Variants in TRMT11 observed in about 807,000 individuals in gnomAD.
TRMT11 encodes the protein tRNA methyltransferase 11.
In TRMT11, 53 loss-of-function variants were observed where a neutral mutation model predicts 62.8. That is an observed-to-expected ratio of 0.84 (90% CI 0.68 to 1.06). TRMT11 has a LOEUF of 1.06. Among genes scored for constraint, TRMT11 ranks in the 50% least tolerant of loss-of-function variants. The pLI is 0.00. For missense variants in TRMT11, 556 were observed against 553.4 expected (o/e 1.00, Z -0.05); for synonymous variants, 188 against 190.3 (o/e 0.99, Z 0.10).
chr6:126,210,337 G>C, the TRMT11 span, among the ~76,000 whole-genome samples: 2 of 152,160 alleles, frequency 1.3e-5, no homozygotes, highest in Non-Finnish European at 1.5e-5. Context: ...GGAGCTGAGG[G>C]TCTCAGTCCT....
intron 21 of TRMT11, among the ~76,000 whole-genome samples, chr6:126,135,255 GAA>G (rs746779859): frequency 3.7e-4 from 56 of 151,176 alleles, no homozygotes; most frequent in Non-Finnish European, 6.4e-4. Flanking sequence ...GATCAACTAA[GAA>G]AAAAAGAGAT....
At chr6:126,191,669 C>A (rs1245115338) in intron 1 of TRMT11, among the ~76,000 whole-genome samples, 2 of 151,810 alleles carry the variant, frequency 1.3e-5, no homozygotes, top group East Asian at 3.8e-4. Flanking sequence ...ATGTAGATAT[C>A]TAATTTTCCC....
chr6:126,151,862 C>CAG, intron 21 of TRMT11, among the ~76,000 whole-genome samples: 1 of 112,938 alleles, frequency 8.9e-6, no homozygotes, highest in Non-Finnish European at 1.8e-5. Context: ...TTCTTTCTTT[C>CAG]TTTCCTTCTT....
intron 17 of TRMT11, among the ~76,000 whole-genome samples, chr6:126,071,721 GGA>G (rs1776864177): frequency 6.6e-6 from 1 of 151,640 alleles, no homozygotes; most frequent in African/African-American, 2.4e-5. Context: ...GAAGAATGTG[GGA>G]TTAGAAGTCA....
At chr6:125,997,924 T>TTG (rs1791828492) in intron 3 of TRMT11, 129 bp from the exon 4 acceptor site, 4 of 617,164 alleles carry the variant, frequency 6.5e-6, no homozygotes, top group Non-Finnish European at 2.9e-6. Context: ...AATAACCGAT[T>TTG]CATTTATACT....
the TRMT11 span, among the ~76,000 whole-genome samples, chr6:126,239,213 G>C: frequency 6.6e-6 from 1 of 152,082 alleles, no homozygotes; most frequent in African/African-American, 2.4e-5. Context: ...TTACATTTAA[G>C]GTTAATATTG....
At chr6:126,143,256 G>A (rs1777939640) in intron 21 of TRMT11, among the ~76,000 whole-genome samples, 1 of 152,058 alleles carries the variant, frequency 6.6e-6, no homozygotes, top group African/African-American at 2.4e-5. Context: ...AAGGCCCTTA[G>A]CTTCCTATGA....
intron 17 of TRMT11, among the ~76,000 whole-genome samples, chr6:126,055,649 G>T (rs1776351083): frequency 6.6e-6 from 1 of 152,034 alleles, no homozygotes; most frequent in Admixed American, 6.6e-5. Flanking sequence ...GGTTTTATGG[G>T]GTGCAACATC....
chr6:126,140,292 G>A (rs772740867), intron 21 of TRMT11, among the ~76,000 whole-genome samples: 10 of 151,864 alleles, frequency 6.6e-5, no homozygotes, highest in Non-Finnish European at 1.0e-4. Context: ...TGTAATTCAA[G>A]GTGTATATAT....
intron 21 of TRMT11, among the ~76,000 whole-genome samples, chr6:126,120,565 C>T (rs1777637896): frequency 6.6e-6 from 1 of 152,106 alleles, no homozygotes; most frequent in Non-Finnish European, 1.5e-5. Context: ...AATTAAAGAC[C>T]TGTCAGACTT....
At chr6:126,142,769 T>G (rs1344404942) in intron 21 of TRMT11, among the ~76,000 whole-genome samples, 1 of 152,096 alleles carries the variant, frequency 6.6e-6, no homozygotes, top group Non-Finnish European at 1.5e-5. Context: ...ATATTAACAG[T>G]GCTGAGAGCA....
chr6:126,089,089 T>A (rs894014166), intron 17 of TRMT11, among the ~76,000 whole-genome samples: 1 of 152,036 alleles, frequency 6.6e-6, no homozygotes, highest in Non-Finnish European at 1.5e-5. Flanking sequence ...CATATTATAC[T>A]CTCTGCAAAG....
chr6:126,188,139 A>G (rs912798293), intron 1 of TRMT11, among the ~76,000 whole-genome samples: 1 of 151,942 alleles, frequency 6.6e-6, no homozygotes, highest in Admixed American at 6.6e-5. Flanking sequence ...TTAATAATCT[A>G]CTTATTAGAA....
At chr6:126,127,569 A>G (rs565723754) in intron 21 of TRMT11, among the ~76,000 whole-genome samples, 115 of 151,922 alleles carry the variant, frequency 7.6e-4, no homozygotes, top group African/African-American at 2.6e-3. Context: ...TTTGTTACAT[A>G]TGTACACATG....
intron 11 of TRMT11, among the ~76,000 whole-genome samples, chr6:126,014,039 T>A (rs1285639618): frequency 6.6e-6 from 1 of 152,184 alleles, no homozygotes; most frequent in African/African-American, 2.4e-5. Context: ...AAGCCCTGAT[T>A]ATGTTCAGCA....
At chr6:125,993,855 A>G (rs1330017276) in intron 2 of TRMT11, 33 bp downstream of exon 2, 3 of 1,296,076 alleles carry the variant, frequency 2.3e-6, no homozygotes, top group African/African-American at 3.0e-5. Flanking sequence ...CATATGGAGT[A>G]TACTTAGAAA....
rs756499630 is a variant in TRMT11, at chr6:126,008,463, C to T, written c.751C>T (p.His251Tyr). The T allele has an allele frequency of 1.9e-6, 3 of 1,612,458 alleles. No homozygotes were observed. The highest frequency in any genetic ancestry group is 3.3e-5 in the Admixed American group (2 of 59,964). The change falls in exon 8 of 13, where the codon CAT becomes TAT. Residue 251 changes from histidine to tyrosine, a missense_variant. By Grantham distance (83) the His-to-Tyr change is moderately conservative (BLOSUM62 2). Transcript: ENST00000334379. ...GACAGACATAGACTACAACACAGTT[C>T]ATGGCTTGGGTGAGTAGAGATTATA... ...YGTDIDYNTV[H>Y]GLGKATRKNQ...
At chr6:126,132,831 G>A (rs1777801789) in intron 21 of TRMT11, among the ~76,000 whole-genome samples, 1 of 151,976 alleles carries the variant, frequency 6.6e-6, no homozygotes, top group Non-Finnish European at 1.5e-5. Context: ...TAGTAGAAGA[G>A]CTCAGGTATG....
rs1222722212 is a variant in TRMT11 at position 126,026,802 on chromosome 6, G to GTT, written c.1260+5539_1260+5540dup. Among the ~76,000 whole-genome samples the GTT allele has an allele frequency of 8.7e-3, 1,061 of 121,698 alleles. 46 individuals carry two copies. Among genetic ancestry groups the GTT allele is most frequent in the African/African-American group, 0.032 (958 of 30,376 alleles). The allele number at this position is 121,698 out of a possible 152,430, so 79.8% of individuals were successfully genotyped here. A position where few individuals can be genotyped will look rare whatever the true frequency, so the allele number is the denominator to read the frequency against. On this transcript the variant is annotated intron_variant, in intron 12 of 12. Transcript: ENST00000334379. Reference sequence around the variant, plus strand: ...GCCATGGTAGAATGTGGTTTTTTGGGTTTTTTTTTTTTTTTTTTGAGACGG... The same window carrying GTT: ...GCCATGGTAGAATGTGGTTTTTTGGGTTTTTTTTTTTTTTTTTTTTGAGACGG...
Sources: gnomAD v4.1 joint callset for allele counts (sites outside exome capture counted in the v4.1 genomes callset) on GRCh38, gnomAD v4.1.1 for gene constraint, MANE v1.5 for transcripts, NCBI Gene and HGNC (gene_info 2026-07-23, HGNC 2026-07-21) for gene names.